Variants in GUCY1A2 observed in about 807,000 individuals in gnomAD.
The protein encoded by GUCY1A2 is guanylate cyclase 1 soluble subunit alpha 2, also known as guanylate cyclase soluble subunit alpha-2.
In GUCY1A2, 27 loss-of-function variants were observed where a neutral mutation model predicts 63.5. The ratio of observed to expected loss-of-function variants is 0.43; its 90% CI spans 0.31 to 0.59. The LOEUF (loss-of-function observed/expected upper bound fraction) is 0.59. Ranked by LOEUF, GUCY1A2 falls within the 20% of genes least tolerant of loss-of-function variation. The probability of loss-of-function intolerance (pLI) is 0.11; values close to 1 mark genes in which losing one functional copy is unlikely to be tolerated. For synonymous variants in GUCY1A2, 364 were observed against 343.5 expected (o/e 1.06, Z -0.66); for missense variants, 768 against 913.3 (o/e 0.84, Z 2.05).
intron 1 of GUCY1A2, among the ~76,000 whole-genome samples, chr11:106,997,071 TCTAAA>T (rs1300426114): frequency 6.6e-6 from 1 of 152,184 alleles, no homozygotes; most frequent in Non-Finnish European, 1.5e-5. Context: ...TTAGTTTAAC[TCTAAA>T]CTATCTGAGC....
Position 106,939,899 on chromosome 11 carries a change from G to A in GUCY1A2, c.767C>T (p.Ala256Val). The A allele has an allele frequency of 1.9e-6, 3 of 1,614,040 alleles. No homozygotes were observed. The highest frequency in any genetic ancestry group is 2.5e-6 in the Non-Finnish European group (3 of 1,179,976). The change falls in exon 4 of 8, where the codon GCT becomes GTT. Residue 256 changes from alanine to valine, a missense_variant. Ala to Val is a moderately conservative substitution (Grantham distance 64). Coordinates refer to ENST00000526355, the MANE Select transcript of GUCY1A2 (RefSeq NM_000855.3). ...CAGCCGATAGATCTTCTTTCCTGCA[G>A]CCTTAATCATCCCCAGCATTGCAAA... ...VGFAMLGMIK[A>V]AGKKIYRLDV...
chr11:106,881,507 A>T (rs1445328416), intron 4 of GUCY1A2, among the ~76,000 whole-genome samples: 1 of 152,068 alleles, frequency 6.6e-6, no homozygotes, highest in Non-Finnish European at 1.5e-5. Context: ...TCCTCATTAA[A>T]AATTTATTAC....
chr11:106,975,250 T>G (rs186265606), intron 3 of GUCY1A2, among the ~76,000 whole-genome samples: 16 of 152,230 alleles, frequency 1.1e-4, no homozygotes, highest in Admixed American at 8.5e-4. Flanking sequence ...AGTAGCAACA[T>G]TTCAGCAGAA....
At chr11:106,927,069 A>G (rs1011554070) in intron 4 of GUCY1A2, among the ~76,000 whole-genome samples, 4 of 151,794 alleles carry the variant, frequency 2.6e-5, no homozygotes, top group Non-Finnish European at 5.9e-5. Flanking sequence ...TGAAATACAT[A>G]ATCCCATAAA....
intron 4 of GUCY1A2, among the ~76,000 whole-genome samples, chr11:106,838,169 T>C (rs765091122): frequency 6.6e-6 from 1 of 151,966 alleles, no homozygotes; most frequent in African/African-American, 2.4e-5. Context: ...TTGTCTCAGA[T>C]GTAGAATGGC....
intron 4 of GUCY1A2, among the ~76,000 whole-genome samples, chr11:106,914,822 A>G (rs1441411811): frequency 6.6e-6 from 1 of 152,108 alleles, no homozygotes; most frequent in Non-Finnish European, 1.5e-5. Flanking sequence ...AGGGACTTCT[A>G]GTTTCAGCTC....
chr11:106,838,118 C>A (rs539853163), intron 4 of GUCY1A2, among the ~76,000 whole-genome samples: 14 of 152,002 alleles, frequency 9.2e-5, no homozygotes, highest in Non-Finnish European at 2.1e-4. Context: ...AAAATTGTCC[C>A]TCGTGTGCAA....
chr11:106,687,545 G>GGTCT lies in GUCY1A2; in HGVS notation c.2199_*3dup, dbSNP rs758804306. 2 of 1,608,350 alleles carry GGTCT rather than the reference G, an allele frequency of 1.2e-6. No homozygotes were observed. The highest frequency in any genetic ancestry group is 4.5e-5 in the East Asian group (2 of 44,846). On this transcript the variant is annotated 3_prime_UTR_variant, in exon 8 of 8. Coordinates refer to ENST00000526355, the MANE Select transcript of GUCY1A2 (RefSeq NM_000855.3). ...TTGGAGGAGTCTTTGATCTGTAGCA[G>GGTCT]GTCTCAGAGGCTTGTCTCCCGGAGG...
intron 3 of GUCY1A2, among the ~76,000 whole-genome samples, chr11:106,955,066 A>T (rs1295169622): frequency 6.6e-6 from 1 of 151,708 alleles, no homozygotes; most frequent in Non-Finnish European, 1.5e-5. Flanking sequence ...GCAACCTCCC[A>T]GGTTCAAGCA....
At chr11:106,777,208 T>A (rs1207374808) in intron 5 of GUCY1A2, among the ~76,000 whole-genome samples, 1 of 152,052 alleles carries the variant, frequency 6.6e-6, no homozygotes, top group Non-Finnish European at 1.5e-5. Flanking sequence ...CCCCAGCACT[T>A]TGGGAGGTTG....
chr11:106,858,773 T>C (rs1859471119), intron 4 of GUCY1A2, among the ~76,000 whole-genome samples: 1 of 152,256 alleles, frequency 6.6e-6, no homozygotes, highest in South Asian at 2.1e-4. Flanking sequence ...AATCACTATG[T>C]TGCCAGTCCA....
At chr11:106,996,535 C>T (rs1030976348) in intron 1 of GUCY1A2, among the ~76,000 whole-genome samples, 1 of 152,184 alleles carries the variant, frequency 6.6e-6, no homozygotes, top group African/African-American at 2.4e-5. Context: ...CTTGGTTCCT[C>T]AGATAGTCTG....
chr11:106,766,663 A>G (rs1393180722), intron 6 of GUCY1A2, among the ~76,000 whole-genome samples: 1 of 152,112 alleles, frequency 6.6e-6, no homozygotes, highest in Non-Finnish European at 1.5e-5. Context: ...CTAACTAACT[A>G]ACTAAATCAA....
chr11:106,875,170 G>C (rs534891375), intron 4 of GUCY1A2, among the ~76,000 whole-genome samples: 28 of 152,172 alleles, frequency 1.8e-4, no homozygotes, highest in African/African-American at 5.1e-4. Flanking sequence ...TATCATATTT[G>C]AAGAGAGTTG....
Position 106,966,308 on chromosome 11 carries a change from A to G in GUCY1A2, c.487+12311T>C, listed in dbSNP as rs181550263. Among the ~76,000 whole-genome samples, 459 of 152,196 alleles carry G rather than the reference A, an allele frequency of 3.0e-3. 2 individuals are homozygous for G. Among genetic ancestry groups the G allele is most frequent in the African/African-American group, 0.011 (446 of 41,540 alleles). ...TTTTAGTAGAGATGGGGTTATCACCATGTTGGCCAGGCTGGACTCGAACTC... is the reference window on the plus strand; with the variant it reads ...TTTTAGTAGAGATGGGGTTATCACCGTGTTGGCCAGGCTGGACTCGAACTC... On this transcript the variant is annotated intron_variant, in intron 3 of 7. Transcript: ENST00000526355.
intron 4 of GUCY1A2, among the ~76,000 whole-genome samples, chr11:106,872,035 T>G (rs1452716765): frequency 6.6e-6 from 1 of 152,092 alleles, no homozygotes; most frequent in African/African-American, 2.4e-5. Flanking sequence ...AAAGTTAGAA[T>G]GAAAGTATAT....
chr11:106,992,612 G>A (rs550933908), intron 1 of GUCY1A2, among the ~76,000 whole-genome samples: 2 of 152,150 alleles, frequency 1.3e-5, no homozygotes, highest in Non-Finnish European at 2.9e-5. Flanking sequence ...TTACAGGCAT[G>A]AGCCACCACG....
intron 4 of GUCY1A2, among the ~76,000 whole-genome samples, chr11:106,921,889 AAC>A (rs1427430517): frequency 6.6e-6 from 1 of 152,200 alleles, no homozygotes; most frequent in Non-Finnish European, 1.5e-5. Flanking sequence ...CATCTGGCAC[AAC>A]ACAGTGACTA....
intron 6 of GUCY1A2, among the ~76,000 whole-genome samples, chr11:106,760,668 A>T (rs1300153011): frequency 2.0e-5 from 3 of 152,202 alleles, no homozygotes; most frequent in Non-Finnish European, 4.4e-5. Context: ...GGTATTTTCA[A>T]AAAATTAATA....
Sources: gnomAD v4.1 joint callset for allele counts (sites outside exome capture counted in the v4.1 genomes callset) on GRCh38, gnomAD v4.1.1 for gene constraint, MANE v1.5 for transcripts, NCBI Gene and HGNC (gene_info 2026-07-23, HGNC 2026-07-21) for gene names.